RFXANK: variants seen among roughly 807,000 people sequenced by gnomAD.
The protein encoded by RFXANK is regulatory factor X associated ankyrin containing protein.
In RFXANK, 19 loss-of-function variants were observed where a neutral mutation model predicts 34.5. That is an observed-to-expected ratio of 0.55 (90% CI 0.38 to 0.81). RFXANK has a LOEUF of 0.81. Among genes scored for constraint, RFXANK ranks in the 30% least tolerant of loss-of-function variants. The probability of loss-of-function intolerance (pLI) is 0.00; values close to 1 mark genes in which losing one functional copy is unlikely to be tolerated. For missense variants in RFXANK, 295 were observed against 343.5 expected (o/e 0.86, Z 1.12); for synonymous variants, 154 against 149.8 (o/e 1.03, Z -0.20).
At chr19:19,196,049 C>T (rs1032750679) in intron 3 of RFXANK, among the ~76,000 whole-genome samples, 12 of 151,998 alleles carry the variant, frequency 7.9e-5, no homozygotes, top group Non-Finnish European at 1.5e-4. Context: ...GCCTTAAGTT[C>T]TTTTGAACAC....
At chr19:19,195,248 A>G (rs1303863481) in intron 3 of RFXANK, among the ~76,000 whole-genome samples, 3 of 107,110 alleles carry the variant, frequency 2.8e-5, no homozygotes, top group African/African-American at 3.8e-5. Flanking sequence ...TTTGTTGCCC[A>G]GGCTCCCTCC....
chr19:19,198,642 C>A lies in RFXANK; in HGVS notation c.565-15C>A. The stretch of plus-strand genomic sequence containing the variant: ...GAGGTAAACCTTTGGTTTCTCCTGC[C>A]CCTACCCACGACAGAATGGAGGGAC... On this transcript the variant is annotated splice_polypyrimidine_tract_variant and intron_variant, in intron 7 of 9. Transcript: ENST00000303088. 1 of 1,612,918 alleles carries A rather than the reference C, an allele frequency of 6.2e-7. No individual in the cohort carries two copies. Among genetic ancestry groups the A allele is most frequent in the Non-Finnish European group, 8.5e-7 (1 of 1,180,012 alleles).
intron 9 of RFXANK, among the ~76,000 whole-genome samples, chr19:19,200,069 ACTGCAGCCTCGATCT>A (rs2060677728): frequency 6.6e-6 from 1 of 151,974 alleles, no homozygotes; most frequent in Non-Finnish European, 1.5e-5. Context: ...GGCACAGCTT[ACTGCAGCCTCGATCT>A]CCCAGGCTCA....
chr19:19,198,272 GCCTTCATTC>G (rs1568581261), intron 7 of RFXANK, 40 bp downstream of exon 7: 1 of 1,613,082 alleles, frequency 6.2e-7, no homozygotes, highest in Non-Finnish European at 8.5e-7. Flanking sequence ...CAGCCTCCTG[GCCTTCATTC>G]CTGCCTCAAA....
In RFXANK at chr19:19,196,963, C is replaced by T; in HGVS notation, c.188C>T (p.Ala63Val). The T allele has an allele frequency of 1.9e-6, 3 of 1,611,524 alleles. No individual in the cohort carries two copies. In the South Asian group the frequency reaches 3.3e-5, roughly 18 times the overall value. ...EPDASVSSPQ[A>V]GSSLKHSTTL... ...CTGACGCCTGTTGTCTGTTTCCCAG[C>T]AGGCAGCTCCCTGAAGCACTCCACC... Residue 63 changes from alanine to valine, a missense_variant and splice_region_variant, in exon 4 of 10, where the codon GCA becomes GTA. Coordinates refer to ENST00000303088, the MANE Select transcript of RFXANK (RefSeq NM_003721.4).
At chr19:19,201,193 G>A (rs1410598515) in intron 9 of RFXANK, among the ~76,000 whole-genome samples, 1 of 152,076 alleles carries the variant, frequency 6.6e-6, no homozygotes, top group Admixed American at 6.6e-5. Context: ...ACCTACCTTG[G>A]CCTCCCAAAG....
chr19:19,198,899 G>T, intron 8 of RFXANK, 176 bp downstream of exon 8: 2 of 778,582 alleles, frequency 2.6e-6, no homozygotes, highest in Non-Finnish European at 4.4e-6. Flanking sequence ...CCACACGGGA[G>T]TCGGGGTCTG....
In RFXANK at chr19:19,192,367, G is replaced by A. The variant is rs2068759411; in HGVS notation, c.-337G>A. ...CAGGAGGCTGGTGGAGCGACACCCA[G>A]GCAGGAGAGGGGGAAGAACTCTCTC... On this transcript the variant is annotated 5_prime_UTR_variant, in exon 1 of 10. Coordinates refer to ENST00000303088, the MANE Select transcript of RFXANK (RefSeq NM_003721.4). 2 of 585,582 alleles carry A rather than the reference G, an allele frequency of 3.4e-6. No individual in the cohort carries two copies. Among genetic ancestry groups the A allele is most frequent in the Non-Finnish European group, 6.1e-6 (2 of 328,530 alleles). The allele number at this position is 585,582 out of a possible 1,614,324, so 36.3% of individuals were successfully genotyped here.
intron 8 of RFXANK, 117 bp downstream of exon 8, chr19:19,198,840 C>A: frequency 7.9e-6 from 8 of 1,016,998 alleles, no homozygotes; most frequent in South Asian, 1.3e-5. Context: ...GCAGGTAGTC[C>A]CTGCCTGCTC....
At chr19:19,193,732 C>T (rs1358421175) in intron 2 of RFXANK, among the ~76,000 whole-genome samples, 1 of 152,120 alleles carries the variant, frequency 6.6e-6, no homozygotes, top group Non-Finnish European at 1.5e-5. Flanking sequence ...GGCTCTTAAA[C>T]ATTGCACATT....
intron 5 of RFXANK, 52 bp downstream of exon 5, chr19:19,197,303 A>G (rs372218782): frequency 3.9e-4 from 621 of 1,582,816 alleles, no homozygotes; most frequent in Non-Finnish European, 5.0e-4. Context: ...TGGTGTGTGC[A>G]TATGGGTGTC....
At chr19:19,200,175 CTTTTT>C (rs978912398) in intron 9 of RFXANK, among the ~76,000 whole-genome samples, 3 of 120,398 alleles carry the variant, frequency 2.5e-5, no homozygotes, top group Admixed American at 8.6e-5. Context: ...TTTGTTGTTG[CTTTTT>C]TTTTTTTTTT....
intron 3 of RFXANK, 141 bp downstream of exon 3, chr19:19,194,274 C>T: frequency 1.1e-6 from 1 of 952,102 alleles, no homozygotes; most frequent in East Asian, 2.6e-5. Context: ...CTCTTGTTGC[C>T]CATGCTGGAG....
chr19:19,199,667 G>T (rs1159568518), intron 9 of RFXANK, among the ~76,000 whole-genome samples: 1 of 152,156 alleles, frequency 6.6e-6, no homozygotes, highest in Non-Finnish European at 1.5e-5. Flanking sequence ...ATCCAGGTGG[G>T]AGGAGTGGCC....
chr19:19,199,114 C>T, intron 8 of RFXANK, 40 bp from the exon 9 acceptor site: 1 of 1,595,188 alleles, frequency 6.3e-7, no homozygotes, highest in Non-Finnish European at 8.6e-7. Context: ...TTCTGGACTC[C>T]CAGGCCCCAC....
chr19:19,198,839 C>A, intron 8 of RFXANK, 116 bp downstream of exon 8: 1 of 1,029,312 alleles, frequency 9.7e-7, no homozygotes, highest in Non-Finnish European at 1.5e-6. Flanking sequence ...AGCAGGTAGT[C>A]CCTGCCTGCT....
intron 5 of RFXANK, 36 bp downstream of exon 5, chr19:19,197,287 C>T (rs1297477543): frequency 1.2e-6 from 2 of 1,608,324 alleles, no homozygotes; most frequent in South Asian, 1.1e-5. Context: ...CATGTCTGCA[C>T]CTGGCTGGTG....
At chr19:19,193,818 A>T in intron 2 of RFXANK, 121 bp from the exon 3 acceptor site, 1 of 1,095,350 alleles carries the variant, frequency 9.1e-7, no homozygotes, top group Non-Finnish European at 1.4e-6. Flanking sequence ...TGGCTCTGGT[A>T]ATTAACCTGG....
chr19:19,200,646 CAG>C (rs989000563), intron 9 of RFXANK, among the ~76,000 whole-genome samples: 9 of 149,996 alleles, frequency 6.0e-5, no homozygotes, highest in Admixed American at 5.3e-4. Context: ...TTTTTTGAGA[CAG>C]AGTCTCGCTC....
Sources: gnomAD v4.1 joint callset for allele counts (sites outside exome capture counted in the v4.1 genomes callset) on GRCh38, gnomAD v4.1.1 for gene constraint, MANE v1.5 for transcripts, NCBI Gene and HGNC (gene_info 2026-07-23, HGNC 2026-07-21) for gene names.